AGPAT5: variants seen among roughly 807,000 people sequenced by gnomAD.
AGPAT5 encodes the protein 1-acylglycerol-3-phosphate O-acyltransferase 5.
A neutral mutation model predicts 45.6 loss-of-function variants in AGPAT5; 46 were observed. The ratio of observed to expected loss-of-function variants is 1.01; its 90% CI spans 0.80 to 1.29. AGPAT5 has a LOEUF of 1.29. Ranked by LOEUF, AGPAT5 falls within the 50% of genes most tolerant of loss-of-function variation. AGPAT5 has a pLI of 0.00. For synonymous variants in AGPAT5, 272 were observed against 167.0 expected (o/e 1.63, Z -4.85); for missense variants, 673 against 450.7 (o/e 1.49, Z -4.47).
chr8:6,731,317 C>T (rs983984244), intron 3 of AGPAT5, among the ~76,000 whole-genome samples: 1 of 152,160 alleles, frequency 6.6e-6, no homozygotes, highest in South Asian at 2.1e-4. Context: ...ATGCGGTTTT[C>T]CTTCAGCATC....
At chr8:6,728,799 G>A (rs755624442) in intron 2 of AGPAT5, among the ~76,000 whole-genome samples, 2 of 152,100 alleles carry the variant, frequency 1.3e-5, no homozygotes, top group African/African-American at 4.8e-5. Flanking sequence ...TAACAGGGTC[G>A]ATTATATGGT....
chr8:6,758,593 G>C lies in AGPAT5; in HGVS notation c.*1205G>C, dbSNP rs1206308198. 6.6e-6 allele frequency: 1 copy of C among 152,420 alleles called. No homozygotes were observed. 9.4% of individuals were successfully genotyped at this position (152,420 alleles called of 1,614,324 possible). ...TGTGTCAAGAAGTTCACCTTCTCAAGCCAGTGAAATACAGACTTAATTTGT... is the reference window on the plus strand; with the variant it reads ...TGTGTCAAGAAGTTCACCTTCTCAACCCAGTGAAATACAGACTTAATTTGT... On this transcript the variant is annotated 3_prime_UTR_variant, in exon 8 of 8. Transcript: ENST00000285518.
At position 6,708,851 on chromosome 8, in the gene AGPAT5, G is replaced by T. The variant is rs777969983; in HGVS notation, c.183G>T (p.Met61Ile). ...GGCTCTACTGCGTCTACCAGAGCAT[G>T]GTGCTCTTCTTCTTCGAGAATTACA... ...DDRLYCVYQS[M>I]VLFFFENYTG... Residue 61 changes from methionine (M) to isoleucine (I), a missense_variant, in exon 1 of 8, where the codon ATG becomes ATT. Met to Ile is a conservative substitution (Grantham distance 10). Transcript: ENST00000285518. 4.3e-6 allele frequency: 7 copies of T among 1,609,862 alleles called. No homozygotes were observed. The highest frequency in any genetic ancestry group is 1.7e-5 in the Admixed American group (1 of 59,946).
At chr8:6,750,612 TAAG>T (rs1410669951) in intron 6 of AGPAT5, among the ~76,000 whole-genome samples, 3 of 152,136 alleles carry the variant, frequency 2.0e-5, no homozygotes, top group Admixed American at 2.0e-4. Context: ...TACAAATTGA[TAAG>T]AAGATGACTG....
At chr8:6,754,024 G>C (rs2116964118) in intron 6 of AGPAT5, among the ~76,000 whole-genome samples, 1 of 152,262 alleles carries the variant, frequency 6.6e-6, no homozygotes, top group Non-Finnish European at 1.5e-5. Context: ...ACACGTCTTT[G>C]AACGCATTTT....
At position 6,755,118 on chromosome 8, in the gene AGPAT5, A is replaced by C. The variant is rs757078913; in HGVS notation, c.813A>C (p.Pro271=). The C allele has an allele frequency of 6.2e-7, 1 of 1,609,100 alleles. No homozygotes were observed. ...ATCGTATCGACAAAAAAGATGTCCC[A>C]GAAGAACAAGAACATATGAGAAGAT... ...HIDRIDKKDV[P]EEQEHMRRWL... Residue 271 remains proline (P), a synonymous_variant, in exon 7 of 8, where the codon CCA becomes CCC. Coordinates refer to ENST00000285518, the MANE Select transcript of AGPAT5 (RefSeq NM_018361.5).
At position 6,757,187 on chromosome 8, in the gene AGPAT5, A is replaced by G; in HGVS notation, c.894A>G (p.Ser298=). The change falls in exon 8 of 8, where the codon TCA becomes TCG. Residue 298 remains serine, a synonymous_variant. Coordinates refer to ENST00000285518, the MANE Select transcript of AGPAT5 (RefSeq NM_018361.5). Reference sequence around the variant, plus strand: ...GGATGCTTATAGAATTTTATGAGTCACCAGATCCAGAAAGAAGAAAAAGAT... The same window carrying G: ...GGATGCTTATAGAATTTTATGAGTCGCCAGATCCAGAAAGAAGAAAAAGAT... ...KDKMLIEFYE[S]PDPERRKRFP... The G allele has an allele frequency of 1.2e-6, 2 of 1,613,890 alleles. No homozygotes were observed. The highest frequency in any genetic ancestry group is 1.3e-5 in the African/African-American group (1 of 75,040).
chr8:6,739,233 A>G lies in AGPAT5; in HGVS notation c.496-2428A>G, dbSNP rs116179057. Reference sequence around the variant, plus strand: ...TTTTTAAATAGTGTAGTTGTCTTCTAAATTTGTTCTTTCTTTTCAAAGTTG... The same window carrying G: ...TTTTTAAATAGTGTAGTTGTCTTCTGAATTTGTTCTTTCTTTTCAAAGTTG... On this transcript the variant is annotated intron_variant, in intron 4 of 7. Transcript: ENST00000285518. Among the ~76,000 whole-genome samples, 176 of 152,216 alleles carry G rather than the reference A, an allele frequency of 1.2e-3. 1 individual carries two copies. The highest frequency in any genetic ancestry group is 4.0e-3 in the African/African-American group (165 of 41,548).
At chr8:6,736,157 C>T (rs903910058) in intron 4 of AGPAT5, among the ~76,000 whole-genome samples, 7 of 152,124 alleles carry the variant, frequency 4.6e-5, no homozygotes, top group African/African-American at 1.7e-4. Flanking sequence ...CAGCCTTCTT[C>T]ATCTAGCTTT....
chr8:6,742,326 G>A (rs1801268691), intron 5 of AGPAT5, among the ~76,000 whole-genome samples: 2 of 152,170 alleles, frequency 1.3e-5, no homozygotes, highest in South Asian at 4.1e-4. Context: ...TTCAACAATG[G>A]TAATGTTCTT....
In AGPAT5 at chr8:6,730,937, C is replaced by T. The variant is rs960517715; in HGVS notation, c.405+111C>T. On this transcript the variant is annotated intron_variant, in intron 3 of 7. Coordinates refer to ENST00000285518, the MANE Select transcript of AGPAT5 (RefSeq NM_018361.5). ...CAGGCTGAGTGCAGTGGTGTGAACACAGCTCACTGCAGCCTTGACCTCTGG... is the reference window on the plus strand; with the variant it reads ...CAGGCTGAGTGCAGTGGTGTGAACATAGCTCACTGCAGCCTTGACCTCTGG... 44 of 585,208 alleles carry T rather than the reference C, an allele frequency of 7.5e-5. No homozygotes were observed. In the African/African-American group the frequency reaches 7.9e-4, roughly 11 times the overall value. 36.3% of individuals were successfully genotyped at this position (585,208 alleles called of 1,614,324 possible).
chr8:6,758,232 G>A lies in AGPAT5; in HGVS notation c.*844G>A, dbSNP rs750536665. On this transcript the variant is annotated 3_prime_UTR_variant, in exon 8 of 8. Transcript: ENST00000285518. The stretch of plus-strand genomic sequence containing the variant: ...TTGTTTTTTTAATATCAAAAGAGTC[G>A]GTGTGAACCTTGGTTGGACCCCAAG... 6 of 152,538 alleles carry A rather than the reference G, an allele frequency of 3.9e-5. No individual in the cohort carries two copies. Among genetic ancestry groups the A allele is most frequent in the Non-Finnish European group, 7.4e-5 (5 of 68,026 alleles). 9.4% of individuals were successfully genotyped at this position (152,538 alleles called of 1,614,324 possible).
chr8:6,713,941 A>C (rs1166813707), intron 1 of AGPAT5, among the ~76,000 whole-genome samples: 1 of 152,256 alleles, frequency 6.6e-6, no homozygotes, highest in Non-Finnish European at 1.5e-5. Flanking sequence ...GCACTGATTC[A>C]TCAAACTAAT....
chr8:6,755,029 AATT>A lies in AGPAT5; in HGVS notation c.746-18_746-16del. 1 of 1,550,396 alleles carries A rather than the reference AATT, an allele frequency of 6.4e-7. No individual in the cohort carries two copies. The highest frequency in any genetic ancestry group is 8.7e-7 in the Non-Finnish European group (1 of 1,148,438). On this transcript the variant is annotated intron_variant, in intron 6 of 7. Coordinates refer to ENST00000285518, the MANE Select transcript of AGPAT5 (RefSeq NM_018361.5). ...GAGTTCTAAAATAGTAAAAAAAAAG[AATT>A]ATTTTTGTTCTTTGTTAGAATTTCT...
At chr8:6,728,562 A>G (rs923332389) in intron 2 of AGPAT5, among the ~76,000 whole-genome samples, 4 of 152,238 alleles carry the variant, frequency 2.6e-5, no homozygotes. Flanking sequence ...TGGGAGGGGC[A>G]TGTGAGGCCA....
chr8:6,758,637 T>C lies in AGPAT5; in HGVS notation c.*1249T>C, dbSNP rs1474612710. 1 of 152,612 alleles carries C rather than the reference T, an allele frequency of 6.6e-6. No homozygotes were observed. Among genetic ancestry groups the C allele is most frequent in the Non-Finnish European group, 1.5e-5 (1 of 68,042 alleles). The allele number at this position is 152,612 out of a possible 1,614,324, so 9.5% of individuals were successfully genotyped here. ...AATTTGTCATGACTGAACGAATTTGTTTATTTCCCATTAGGTTTAGTGGAG... is the reference window on the plus strand; with the variant it reads ...AATTTGTCATGACTGAACGAATTTGCTTATTTCCCATTAGGTTTAGTGGAG... On this transcript the variant is annotated 3_prime_UTR_variant, in exon 8 of 8. Transcript: ENST00000285518.
intron 2 of AGPAT5, among the ~76,000 whole-genome samples, chr8:6,727,878 T>C (rs922233682): frequency 2.0e-5 from 3 of 152,176 alleles, no homozygotes; most frequent in Non-Finnish European, 2.9e-5. Flanking sequence ...AAATTACTTA[T>C]CTCTCAGAGC....
intron 6 of AGPAT5, among the ~76,000 whole-genome samples, chr8:6,752,256 C>T (rs563612604): frequency 2.0e-5 from 3 of 152,266 alleles, no homozygotes; most frequent in African/African-American, 4.8e-5. Flanking sequence ...ACCTGTCCAG[C>T]GGTAACCCCA....
rs35603168 is a variant in AGPAT5, at chr8:6,712,372, T to TTA, written c.219+3501_219+3502dup. ...TGATTCTGAAATTACCATCTTGTGA[T>TTA]TATATATATATATATATGGAAATAA... On this transcript the variant is annotated intron_variant, in intron 1 of 7. Transcript: ENST00000285518. Among the ~76,000 whole-genome samples, 329 of 150,322 alleles carry TTA rather than the reference T, an allele frequency of 2.2e-3. 3 individuals are homozygous for TTA. The highest frequency in any genetic ancestry group is 8.8e-3 in the South Asian group (42 of 4,746).
Sources: allele counts gnomAD v4.1 joint callset (sites outside exome capture counted in the v4.1 genomes callset), GRCh38; gene constraint gnomAD v4.1.1; transcripts MANE v1.5; gene names NCBI Gene and HGNC (gene_info 2026-07-23, HGNC 2026-07-21).